The following SCHIP1 variants were observed in gnomAD, a reference collection of about 807,000 sequenced individuals.
SCHIP1 encodes the protein schwannomin-interacting protein 1.
Under a neutral mutation model 29.7 loss-of-function variants are expected in SCHIP1, and 8 were observed. The ratio of observed to expected loss-of-function variants is 0.27; its 90% CI spans 0.16 to 0.49. The LOEUF (loss-of-function observed/expected upper bound fraction) is 0.49, where lower values mean the gene tolerates loss of function less well. Among genes scored for constraint, SCHIP1 ranks in the 20% least tolerant of loss-of-function variants. The probability of loss-of-function intolerance (pLI) is 0.99; values close to 1 mark genes in which losing one functional copy is unlikely to be tolerated. For missense variants in SCHIP1, 193 were observed against 294.6 expected (o/e 0.66, Z 2.52); for synonymous variants, 76 against 94.9 (o/e 0.80, Z 1.16).
At chr3:159,591,748 T>C in the SCHIP1 span, among the ~76,000 whole-genome samples, 1 of 151,576 alleles carries the variant, frequency 6.6e-6, no homozygotes, top group Non-Finnish European at 1.5e-5. Flanking sequence ...GAGGGGAACA[T>C]CACACACCAA....
the SCHIP1 span, among the ~76,000 whole-genome samples, chr3:159,744,495 T>C: frequency 2.0e-5 from 3 of 152,250 alleles, no homozygotes; most frequent in East Asian, 5.8e-4. Context: ...CTAGAACTTA[T>C]CTATAAATTA....
chr3:159,429,649 A>G, the SCHIP1 span, among the ~76,000 whole-genome samples: 2 of 152,166 alleles, frequency 1.3e-5, no homozygotes, highest in African/African-American at 2.4e-5. Context: ...CCCACCATGA[A>G]GCAGGTGGCA....
the SCHIP1 span, among the ~76,000 whole-genome samples, chr3:159,311,338 T>C: frequency 6.6e-6 from 1 of 152,158 alleles, no homozygotes; most frequent in Non-Finnish European, 1.5e-5. Flanking sequence ...TTGCATCAGT[T>C]TGAAATTCTC....
At chr3:159,457,042 A>G in the SCHIP1 span, among the ~76,000 whole-genome samples, 1 of 152,178 alleles carries the variant, frequency 6.6e-6, no homozygotes, top group African/African-American at 2.4e-5. Context: ...TTGTACTATA[A>G]GAATTTTTTT....
At chr3:159,309,146 T>TA in the SCHIP1 span, 78,751 of 211,262 alleles carry the variant, frequency 0.37, 14,268 homozygotes, top group East Asian at 0.41. Context: ...AAGTTAAAAT[T>TA]AAAAAAAAAC....
At chr3:159,789,092 A>G in the SCHIP1 span, among the ~76,000 whole-genome samples, 1 of 151,972 alleles carries the variant, frequency 6.6e-6, no homozygotes. Context: ...CAACCTGTAT[A>G]TGTGTATGTA....
At chr3:159,871,500 A>T (rs1223156491) in intron 2 of SCHIP1, among the ~76,000 whole-genome samples, 1 of 152,206 alleles carries the variant, frequency 6.6e-6, no homozygotes, top group Non-Finnish European at 1.5e-5. Flanking sequence ...TATTGCCTAA[A>T]ATAGTATCTA....
the SCHIP1 span, among the ~76,000 whole-genome samples, chr3:159,437,942 T>C: frequency 1.3e-5 from 2 of 152,268 alleles, no homozygotes; most frequent in East Asian, 3.9e-4. Context: ...CAAGCTTTAT[T>C]AATTTGGCAA....
At chr3:159,784,470 C>T in the SCHIP1 span, among the ~76,000 whole-genome samples, 42 of 152,120 alleles carry the variant, frequency 2.8e-4, no homozygotes, top group Middle Eastern at 3.4e-3. Flanking sequence ...ATGGTAAAAA[C>T]ATCTCCAGCT....
the SCHIP1 span, among the ~76,000 whole-genome samples, chr3:159,275,715 A>G: frequency 2.0e-4 from 30 of 152,206 alleles, no homozygotes; most frequent in Non-Finnish European, 8.8e-5. Flanking sequence ...ACAAACTACA[A>G]GCACATGTTT....
the SCHIP1 span, among the ~76,000 whole-genome samples, chr3:159,318,787 T>C: frequency 6.6e-6 from 1 of 152,206 alleles, no homozygotes; most frequent in Non-Finnish European, 1.5e-5. Context: ...TATGGAATGC[T>C]GCTGAGCATG....
chr3:159,352,605 A>G, the SCHIP1 span, among the ~76,000 whole-genome samples: 1 of 152,108 alleles, frequency 6.6e-6, no homozygotes, highest in Admixed American at 6.6e-5. Flanking sequence ...AGACTTGTGT[A>G]AGCACCACAA....
chr3:159,418,646 C>A, the SCHIP1 span, among the ~76,000 whole-genome samples: 8 of 152,162 alleles, frequency 5.3e-5, no homozygotes, highest in Admixed American at 1.3e-4. Context: ...AGAGCCTTTT[C>A]TTTCTTTGTT....
chr3:159,416,368 T>C, the SCHIP1 span, among the ~76,000 whole-genome samples: 7 of 152,322 alleles, frequency 4.6e-5, no homozygotes, highest in African/African-American at 1.7e-4. Context: ...TTATTTTATA[T>C]ATGTATTTAG....
chr3:159,795,950 C>T, the SCHIP1 span, among the ~76,000 whole-genome samples: 1 of 152,158 alleles, frequency 6.6e-6, no homozygotes, highest in African/African-American at 2.4e-5. Context: ...GGCCTCTCCC[C>T]AGGCATAATG....
chr3:159,405,660 C>T, the SCHIP1 span, among the ~76,000 whole-genome samples: 3 of 151,884 alleles, frequency 2.0e-5, no homozygotes, highest in Admixed American at 1.3e-4. Context: ...AGGCAGACCA[C>T]GAGGTTAGGA....
chr3:159,406,295 G>A, the SCHIP1 span, among the ~76,000 whole-genome samples: 1 of 152,134 alleles, frequency 6.6e-6, no homozygotes, highest in Admixed American at 6.5e-5. Flanking sequence ...AAACCTTACA[G>A]GGCAGGAGAA....
At chr3:159,661,543 C>G in the SCHIP1 span, among the ~76,000 whole-genome samples, 1 of 152,158 alleles carries the variant, frequency 6.6e-6, no homozygotes, top group Admixed American at 6.5e-5. Flanking sequence ...TAGGGTTAGC[C>G]TAGAAATAAA....
the SCHIP1 span, among the ~76,000 whole-genome samples, chr3:159,666,100 A>G: frequency 1.3e-5 from 2 of 152,214 alleles, no homozygotes; most frequent in African/African-American, 4.8e-5. Context: ...CTCCCCTCCA[A>G]ATAATGAACT....
Sources: gnomAD v4.1 joint callset for allele counts (sites outside exome capture counted in the v4.1 genomes callset) on GRCh38, gnomAD v4.1.1 for gene constraint, MANE v1.5 for transcripts, NCBI Gene and HGNC (gene_info 2026-07-23, HGNC 2026-07-21) for gene names.